GAB3: variants seen among roughly 807,000 people sequenced by gnomAD.
GAB3 encodes the protein GRB2-associated-binding protein 3.
GAB3 carries 12 observed loss-of-function variants against 40.4 expected under a neutral mutation model. The observed-to-expected ratio is 0.30, with a 90% CI of 0.19 to 0.48. The LOEUF (loss-of-function observed/expected upper bound fraction) is 0.48, where lower values mean the gene tolerates loss of function less well. Among genes scored for constraint, GAB3 ranks in the 20% least tolerant of loss-of-function variants. The pLI is 0.99. For synonymous variants in GAB3, 154 were observed against 176.7 expected (o/e 0.87, Z 1.02); for missense variants, 381 against 461.9 (o/e 0.82, Z 1.61).
chrX:154,719,632 T>A (rs782740876), intron 1 of GAB3, among the ~76,000 whole-genome samples: 13 of 112,584 alleles, frequency 1.2e-4, no homozygotes, highest in Non-Finnish European at 2.3e-4. Context: ...TGCTGAATCA[T>A]GCAAAATCGC....
chrX:154,690,729 C>T lies in GAB3; in HGVS notation c.1530+5188G>A, dbSNP rs782731244. Among the ~76,000 whole-genome samples, 10 of 111,469 alleles carry T rather than the reference C, an allele frequency of 9.0e-5. No individual in the cohort carries two copies. The South Asian group carries it at 3.4e-3, about 38-fold the overall frequency. On this transcript the variant is annotated intron_variant, in intron 8 of 9. Coordinates refer to ENST00000424127, the MANE Select transcript of GAB3 (RefSeq NM_001081573.3). ...AAAACCACAATGAGATACCATCTCACACCAGTTAGAATGGCAATCATTAAA... is the reference window on the plus strand; with the variant it reads ...AAAACCACAATGAGATACCATCTCATACCAGTTAGAATGGCAATCATTAAA...
intron 1 of GAB3, among the ~76,000 whole-genome samples, chrX:154,737,807 T>C (rs1009825706): frequency 9.0e-6 from 1 of 110,949 alleles, no homozygotes; most frequent in African/African-American, 3.3e-5. Context: ...CTGGGCAACA[T>C]GGTGAAGCCC....
chrX:154,693,789 T>G (rs929158616), intron 8 of GAB3, among the ~76,000 whole-genome samples: 1 of 111,995 alleles, frequency 8.9e-6, no homozygotes, highest in South Asian at 3.7e-4. Flanking sequence ...AAAAAATTAA[T>G]GTGAGATTTA....
chrX:154,713,850 A>T lies in GAB3; in HGVS notation c.377-424T>A, dbSNP rs190038801. On this transcript the variant is annotated intron_variant, in intron 2 of 9. Transcript: ENST00000424127. ...TGCATATATGTATGTATACCTATAC[A>T]TGTTTATTATATAGGTATATGTCTA... Among the ~76,000 whole-genome samples, 8 of 98,157 alleles carry T rather than the reference A, an allele frequency of 8.2e-5. 1 individual carries two copies. In the South Asian group the frequency reaches 3.5e-3, roughly 43 times the overall value. 85.2% of individuals were successfully genotyped at this position (98,157 alleles called of 115,157 possible).
chrX:154,706,921 GA>G (rs35585683), intron 4 of GAB3, among the ~76,000 whole-genome samples: 8,131 of 85,598 alleles, frequency 0.095, 1,042 homozygotes, highest in African/African-American at 0.33. Context: ...CCTTGTTTCT[GA>G]AAAAAAAAAA....
At chrX:154,715,210 A>G (rs782287857) in intron 2 of GAB3, among the ~76,000 whole-genome samples, 2 of 112,069 alleles carry the variant, frequency 1.8e-5, no homozygotes, top group African/African-American at 6.5e-5. Flanking sequence ...TATAGATTAC[A>G]GGATTTAGGG....
chrX:154,690,221 A>G lies in GAB3; in HGVS notation c.1530+5696T>C, dbSNP rs1207143803. ...GGAAAACTGGCTAGCCATATGTAGA[A>G]AGCTGAAACTGGATCCCTTCCTTAC... On this transcript the variant is annotated intron_variant, in intron 8 of 9. Transcript: ENST00000424127. 3.6e-5 allele frequency among the ~76,000 whole-genome samples: 4 copies of G among 110,587 alleles called. No homozygotes were observed. In the East Asian group the frequency reaches 1.1e-3, roughly 31 times the overall value.
chrX:154,694,542 A>T (rs1359454965), intron 8 of GAB3, among the ~76,000 whole-genome samples: 1 of 109,779 alleles, frequency 9.1e-6, no homozygotes, highest in Non-Finnish European at 1.9e-5. Flanking sequence ...GCCCGCCACC[A>T]CGCCTGGCTA....
intron 7 of GAB3, among the ~76,000 whole-genome samples, chrX:154,696,415 C>T (rs1436721109): frequency 9.1e-6 from 1 of 110,133 alleles, no homozygotes; most frequent in Non-Finnish European, 1.9e-5. Context: ...TGCCAATCAA[C>T]TCCCATCCTT....
chrX:154,706,843 C>A (rs2070817395), intron 4 of GAB3, among the ~76,000 whole-genome samples: 1 of 108,740 alleles, frequency 9.2e-6, no homozygotes, highest in Non-Finnish European at 1.9e-5. Context: ...TTATTTAAGC[C>A]CAGAAGTTTG....
At chrX:154,717,146 C>T (rs908739324) in intron 1 of GAB3, among the ~76,000 whole-genome samples, 5 of 111,075 alleles carry the variant, frequency 4.5e-5, no homozygotes, top group Non-Finnish European at 9.4e-5. Context: ...ATGGAAGGAT[C>T]GGTAATGGAT....
chrX:154,743,484 G>C (rs1466852444), intron 1 of GAB3, among the ~76,000 whole-genome samples: 1 of 111,733 alleles, frequency 8.9e-6, no homozygotes, highest in African/African-American at 3.3e-5. Flanking sequence ...TGTTTTAATT[G>C]ACTGAAAAGA....
chrX:154,718,391 A>G (rs1468428571), intron 1 of GAB3, among the ~76,000 whole-genome samples: 2 of 110,588 alleles, frequency 1.8e-5, no homozygotes, highest in African/African-American at 3.3e-5. Flanking sequence ...CTTTGAAAAG[A>G]GGTCTGGCCA....
At chrX:154,709,684 C>T (rs782335075) in intron 4 of GAB3, among the ~76,000 whole-genome samples, 1 of 110,035 alleles carries the variant, frequency 9.1e-6, no homozygotes, top group Non-Finnish European at 1.9e-5. Flanking sequence ...AATTTGTGTC[C>T]ATCACTGGAT....
At chrX:154,708,930 C>T (rs1218973350) in intron 4 of GAB3, among the ~76,000 whole-genome samples, 1 of 111,892 alleles carries the variant, frequency 8.9e-6, no homozygotes, top group African/African-American at 3.3e-5. Context: ...CAGCACTATT[C>T]ACAATAGCCA....
chrX:154,713,343 T>C lies in GAB3; in HGVS notation c.460A>G (p.Ser154Gly). Reference sequence around the variant, plus strand: ...GGGTCATCTCTTGGCAAAGAGGAGCTGGCAGCATGGGCGGTAAGAAGGGAG... The same window carrying C: ...GGGTCATCTCTTGGCAAAGAGGAGCCGGCAGCATGGGCGGTAAGAAGGGAG... ...ASSLLTAHAA[S>G]SSLPRDDPNT... The change falls in exon 3 of 10, where the codon AGC (serine) becomes GGC (glycine). Residue 154 changes from serine to glycine, a missense_variant. Coordinates refer to ENST00000424127, the MANE Select transcript of GAB3 (RefSeq NM_001081573.3). 3.1e-5 allele frequency: 38 copies of C among 1,210,574 alleles called. No homozygotes were observed. The highest frequency in any genetic ancestry group is 4.1e-5 in the Non-Finnish European group (37 of 895,163).
rs1557256794 is a variant in GAB3, at chrX:154,713,345, G to A, written c.458C>T (p.Ala153Val). The stretch of plus-strand genomic sequence containing the variant: ...GTCATCTCTTGGCAAAGAGGAGCTG[G>A]CAGCATGGGCGGTAAGAAGGGAGCT... ...SASSLLTAHA[A>V]SSSLPRDDPN... The change falls in exon 3 of 10, where the codon GCC becomes GTC. Residue 153 changes from alanine to valine, a missense_variant. Ala to Val is a moderately conservative substitution (Grantham distance 64). Coordinates refer to ENST00000424127, the MANE Select transcript of GAB3 (RefSeq NM_001081573.3). 1 of 1,208,216 alleles carries A rather than the reference G, an allele frequency of 8.3e-7. No individual in the cohort carries two copies. Among genetic ancestry groups the A allele is most frequent in the Non-Finnish European group, 1.1e-6 (1 of 894,736 alleles).
intron 1 of GAB3, among the ~76,000 whole-genome samples, chrX:154,746,366 A>G (rs1394915628): frequency 1.8e-5 from 2 of 112,480 alleles, no homozygotes; most frequent in Non-Finnish European, 3.7e-5. Flanking sequence ...CCAGAAATAT[A>G]TGAAAAGAAT....
intron 8 of GAB3, among the ~76,000 whole-genome samples, chrX:154,687,620 C>G (rs781855602): frequency 1.3e-5 from 1 of 77,710 alleles, no homozygotes; most frequent in Non-Finnish European, 2.3e-5. Flanking sequence ...GGTGACAGAG[C>G]GAGACTCTGT....
Sources: gnomAD v4.1 joint callset for allele counts (sites outside exome capture counted in the v4.1 genomes callset) on GRCh38, gnomAD v4.1.1 for gene constraint, MANE v1.5 for transcripts, NCBI Gene and HGNC (gene_info 2026-07-23, HGNC 2026-07-21) for gene names.